Variants in ZSWIM7 observed in about 807,000 individuals in gnomAD.
The protein encoded by ZSWIM7 is zinc finger SWIM domain-containing protein 7.
In ZSWIM7, 22 loss-of-function variants were observed where a neutral mutation model predicts 21.1. That is an observed-to-expected ratio of 1.04 (90% CI 0.74 to 1.49). The LOEUF (loss-of-function observed/expected upper bound fraction) is 1.49, where lower values mean the gene tolerates loss of function less well. Ranked by LOEUF, ZSWIM7 falls within the 40% of genes most tolerant of loss-of-function variation. The probability of loss-of-function intolerance (pLI) is 0.00; values close to 1 mark genes in which losing one functional copy is unlikely to be tolerated. For synonymous variants in ZSWIM7, 67 were observed against 66.5 expected, an observed-to-expected ratio of 1.01 and a Z score of -0.04; for missense variants, 193 against 168.0, an observed-to-expected ratio of 1.15 and a Z score of -0.82.
At chr17:15,990,770 TA>T (rs1970472137) in intron 2 of ZSWIM7, 1 of 152,172 alleles carries the variant, frequency 6.6e-6, no homozygotes, top group Non-Finnish European at 1.5e-5. Context: ...ATTTTTATAT[TA>T]AACATATGAA....
intron 3 of ZSWIM7, among the ~76,000 whole-genome samples, chr17:15,984,128 T>C (rs1436786304): frequency 1.3e-5 from 2 of 151,870 alleles, no homozygotes; most frequent in Non-Finnish European, 2.9e-5. Flanking sequence ...TCTACAGAGT[T>C]TCCTTGCCTG....
intron 3 of ZSWIM7, among the ~76,000 whole-genome samples, chr17:15,981,913 AAAAT>A (rs1364370632): frequency 5.9e-5 from 9 of 152,194 alleles, no homozygotes; most frequent in Non-Finnish European, 1.3e-4. Flanking sequence ...TCCCATCTCT[AAAAT>A]AAAGATAGGT....
chr17:15,987,482 A>G, intron 2 of ZSWIM7, 114 bp from the exon 3 acceptor site: 2 of 890,056 alleles, frequency 2.2e-6, no homozygotes. Flanking sequence ...TAATTTTGAA[A>G]AAAGGAAAAT....
In ZSWIM7 at chr17:15,998,755, CTT is replaced by C. The variant is rs10551472; in HGVS notation, c.76+762_76+763del. On this transcript the variant is annotated intron_variant, in intron 1 of 4. Transcript: ENST00000399277. ...TTTAGGTTTTGTGGCTCTTAAAATGCTTTTTTTTTTTTTTTTGAGATGGAATT... is the reference window on the plus strand; with the variant it reads ...TTTAGGTTTTGTGGCTCTTAAAATGCTTTTTTTTTTTTTTGAGATGGAATT... Among the ~76,000 whole-genome samples, 590 of 130,282 alleles carry C rather than the reference CTT, an allele frequency of 4.5e-3. 5 individuals carry two copies. Among genetic ancestry groups the C allele is most frequent in the African/African-American group, 0.013 (456 of 34,978 alleles). 85.5% of individuals were successfully genotyped at this position (130,282 alleles called of 152,430 possible).
rs1341129265 is a variant in ZSWIM7 at position 15,977,942 on chromosome 17, GT to G, written c.*104del. On this transcript the variant is annotated 3_prime_UTR_variant, in exon 5 of 5. Coordinates refer to ENST00000399277, the MANE Select transcript of ZSWIM7 (RefSeq NM_001042697.2). ...GAGGGAAAAGGGACAGTAACATGAA[GT>G]GTCTGAAGATCCATTTCACCTCTTT... 2.2e-6 allele frequency: 2 copies of G among 923,258 alleles called. No homozygotes were observed. Among genetic ancestry groups the G allele is most frequent in the East Asian group, 4.9e-5 (2 of 40,690 alleles). 57.2% of individuals were successfully genotyped at this position (923,258 alleles called of 1,614,324 possible). A position where few individuals can be genotyped will look rare whatever the true frequency, so the allele number is the denominator to read the frequency against.
rs765534138 is a variant in ZSWIM7 at position 15,999,675 on chromosome 17, A to AC, written c.-82dup. 2.3e-5 allele frequency: 36 copies of AC among 1,555,132 alleles called. No homozygotes were observed. In the Admixed American group the frequency reaches 3.8e-4, roughly 17 times the overall value. On this transcript the variant is annotated 5_prime_UTR_variant, in exon 1 of 5. Transcript: ENST00000399277. ...CTGCGCCTACCTGTGGAGGATCCTGACCCCCCGCCGGGGCAGGGCGAGACG... is the reference window on the plus strand; with the variant it reads ...CTGCGCCTACCTGTGGAGGATCCTGACCCCCCCGCCGGGGCAGGGCGAGACG...
At position 15,993,925 on chromosome 17, in the gene ZSWIM7, C is replaced by T. The variant is rs980753478; in HGVS notation, c.77-147G>A. ...ATCTGGTTTTACTCCTTCCCCAAAC[C>T]CCACTAAAACCATAATAAAAGGATT... On this transcript the variant is annotated intron_variant, in intron 1 of 4. Coordinates refer to ENST00000399277, the MANE Select transcript of ZSWIM7 (RefSeq NM_001042697.2). The T allele has an allele frequency of 2.3e-5, 13 of 553,414 alleles. No individual in the cohort carries two copies. In the African/African-American group the frequency reaches 2.5e-4, roughly 11 times the overall value. 34.3% of individuals were successfully genotyped at this position (553,414 alleles called of 1,614,324 possible).
intron 2 of ZSWIM7, among the ~76,000 whole-genome samples, chr17:15,992,675 G>A (rs1970501142): frequency 6.6e-6 from 1 of 152,004 alleles, no homozygotes; most frequent in South Asian, 2.1e-4. Flanking sequence ...CTGACCTCAG[G>A]TGATTCGCCC....
intron 2 of ZSWIM7, among the ~76,000 whole-genome samples, chr17:15,991,918 G>T (rs868229597): frequency 0.06 from 3,926 of 65,204 alleles, 131 homozygotes; most frequent in South Asian, 0.17. Context: ...TTTTTTGTTT[G>T]TTTTGTTTTG....
At chr17:15,983,833 C>T (rs949952427) in intron 3 of ZSWIM7, among the ~76,000 whole-genome samples, 4 of 152,080 alleles carry the variant, frequency 2.6e-5, no homozygotes, top group Non-Finnish European at 1.5e-5. Context: ...GTGATCCACC[C>T]GCCTCAGCCT....
At chr17:15,986,459 TA>T (rs1312899026) in intron 3 of ZSWIM7, among the ~76,000 whole-genome samples, 2 of 151,846 alleles carry the variant, frequency 1.3e-5, no homozygotes, top group East Asian at 1.9e-4. Context: ...ATGTGGAATC[TA>T]AAAAAAGTTG....
intron 2 of ZSWIM7, among the ~76,000 whole-genome samples, chr17:15,993,212 TGGG>T (rs553001601): frequency 1.3e-5 from 2 of 151,634 alleles, no homozygotes; most frequent in Non-Finnish European, 2.9e-5. Flanking sequence ...TTCGTAGAGA[TGGG>T]GGGTCTCCCT....
At chr17:15,993,894 C>G (rs972136558) in intron 1 of ZSWIM7, 116 bp from the exon 2 acceptor site, 6 of 709,586 alleles carry the variant, frequency 8.5e-6, no homozygotes, top group African/African-American at 5.4e-5. Flanking sequence ...TCAACTGAAC[C>G]TATGCATCTG....
At chr17:15,996,303 CA>C (rs202105116) in intron 1 of ZSWIM7, among the ~76,000 whole-genome samples, 61 of 150,796 alleles carry the variant, frequency 4.0e-4, no homozygotes, top group African/African-American at 1.4e-3. Context: ...AACTCCGTCT[CA>C]AAAAAAACCC....
chr17:15,994,603 G>A (rs1970525868), intron 1 of ZSWIM7, among the ~76,000 whole-genome samples: 1 of 152,168 alleles, frequency 6.6e-6, no homozygotes, highest in South Asian at 2.1e-4. Context: ...AAGAGACTAG[G>A]TTTATTTTCT....
chr17:15,999,428 C>T, intron 1 of ZSWIM7, 91 bp downstream of exon 1: 1 of 1,489,452 alleles, frequency 6.7e-7, no homozygotes, highest in Non-Finnish European at 9.1e-7. Context: ...GGGCCAGGCC[C>T]GGACACCCCG....
chr17:15,994,071 C>G lies in ZSWIM7; in HGVS notation c.77-293G>C, dbSNP rs533295930. 1.3e-3 allele frequency among the ~76,000 whole-genome samples: 191 copies of G among 152,322 alleles called. 2 individuals carry two copies. Among genetic ancestry groups the G allele is most frequent in the Non-Finnish European group, 7.5e-4 (51 of 68,038 alleles). ...TTAAACCATTCTCTTGCCTCAGCCT[C>G]CCAGGTAGCTGGGACTACAGGCATG... On this transcript the variant is annotated intron_variant, in intron 1 of 4. Coordinates refer to ENST00000399277, the MANE Select transcript of ZSWIM7 (RefSeq NM_001042697.2).
At chr17:15,979,318 T>C (rs1167597667) in intron 4 of ZSWIM7, among the ~76,000 whole-genome samples, 1 of 151,866 alleles carries the variant, frequency 6.6e-6, no homozygotes, top group African/African-American at 2.4e-5. Context: ...AGGTCACAGA[T>C]CAACAGGATC....
intron 1 of ZSWIM7, among the ~76,000 whole-genome samples, chr17:15,994,650 A>G (rs1292470551): frequency 2.0e-5 from 3 of 152,162 alleles, no homozygotes; most frequent in Non-Finnish European, 2.9e-5. Flanking sequence ...GACTAGGGAA[A>G]AATACTAGGT....
Sources: gnomAD v4.1 joint callset for allele counts (sites outside exome capture counted in the v4.1 genomes callset) on GRCh38, gnomAD v4.1.1 for gene constraint, MANE v1.5 for transcripts, NCBI Gene and HGNC (gene_info 2026-07-23, HGNC 2026-07-21) for gene names.